SLC16A2: variants seen among roughly 807,000 people sequenced by gnomAD.
The protein encoded by SLC16A2 is monocarboxylate transporter 8.
A neutral mutation model predicts 27.2 loss-of-function variants in SLC16A2; 3 were observed. The ratio of observed to expected loss-of-function variants is 0.11; its 90% CI spans 0.05 to 0.28. The LOEUF is 0.28. SLC16A2 is among the 10% of genes least tolerant of loss of function. SLC16A2 has a pLI of 1.00. For synonymous variants in SLC16A2, 202 were observed against 187.8 expected (o/e 1.08, Z -0.62); for missense variants, 295 against 458.5 (o/e 0.64, Z 3.26).
chrX:74,518,269 T>C (rs780767447), intron 1 of SLC16A2, among the ~76,000 whole-genome samples: 2 of 112,179 alleles, frequency 1.8e-5, no homozygotes, highest in Non-Finnish European at 3.8e-5. Flanking sequence ...TTCCTCCATA[T>C]CCTCCCAGTA....
intron 1 of SLC16A2, among the ~76,000 whole-genome samples, chrX:74,514,643 C>A: frequency 8.9e-6 from 1 of 111,831 alleles, no homozygotes; most frequent in Non-Finnish European, 1.9e-5. Flanking sequence ...CTACTCCTGG[C>A]AAGGTGCCAA....
At chrX:74,452,983 G>A (rs903600857) in intron 1 of SLC16A2, among the ~76,000 whole-genome samples, 1 of 110,130 alleles carries the variant, frequency 9.1e-6, no homozygotes, top group African/African-American at 3.3e-5. Context: ...AAACTCCTAG[G>A]TATCTCTCAC....
At chrX:74,512,373 A>G (rs1297314870) in intron 1 of SLC16A2, among the ~76,000 whole-genome samples, 1 of 111,559 alleles carries the variant, frequency 9.0e-6, no homozygotes, top group Admixed American at 9.5e-5. Context: ...TCTTAATCCT[A>G]TTTGCTATTC....
chrX:74,443,741 T>C (rs746906326), intron 1 of SLC16A2, among the ~76,000 whole-genome samples: 1 of 112,346 alleles, frequency 8.9e-6, no homozygotes, highest in East Asian at 2.8e-4. Context: ...CCTGTGTTTG[T>C]GTGCGTCCTT....
intron 1 of SLC16A2, among the ~76,000 whole-genome samples, chrX:74,479,529 A>G (rs1215059754): frequency 8.9e-6 from 1 of 112,330 alleles, no homozygotes; most frequent in African/African-American, 3.2e-5. Flanking sequence ...GCTGGTGAGG[A>G]GGTGCATTCC....
At chrX:74,467,866 T>A (rs1250294140) in intron 1 of SLC16A2, among the ~76,000 whole-genome samples, 1 of 110,960 alleles carries the variant, frequency 9.0e-6, no homozygotes, top group Non-Finnish European at 1.9e-5. Context: ...GCCATTCAAG[T>A]TCCTGGGCAA....
intron 1 of SLC16A2, among the ~76,000 whole-genome samples, chrX:74,475,662 G>A (rs1307939552): frequency 1.8e-5 from 2 of 111,857 alleles, no homozygotes; most frequent in Admixed American, 9.5e-5. Flanking sequence ...TTAGTATAAG[G>A]TGTAAGGAAG....
chrX:74,429,605 A>G (rs1438896785), intron 1 of SLC16A2, among the ~76,000 whole-genome samples: 2 of 111,919 alleles, frequency 1.8e-5, no homozygotes, highest in African/African-American at 6.5e-5. Flanking sequence ...TGCCCATACC[A>G]TCTTTTTCCT....
chrX:74,447,461 C>G (rs1928857873), intron 1 of SLC16A2, among the ~76,000 whole-genome samples: 1 of 110,762 alleles, frequency 9.0e-6, no homozygotes, highest in African/African-American at 3.3e-5. Flanking sequence ...TCACTTGAGG[C>G]CAGGAGTTCA....
At chrX:74,523,118 G>A (rs1259876845) in intron 2 of SLC16A2, among the ~76,000 whole-genome samples, 5 of 112,285 alleles carry the variant, frequency 4.5e-5, no homozygotes, top group Admixed American at 9.4e-5. Context: ...AAGCCAGGCC[G>A]ATCCCATAGG....
Position 74,529,194 on chromosome X carries a change from C to G in SLC16A2, c.1171-19C>G. ...TTGGCTGGCCAGCACAACCTGACCT[C>G]AGGCCCTTGTTTCTCCAGGTCCTTT... On this transcript the variant is annotated intron_variant, in intron 4 of 5. Transcript: ENST00000587091. The G allele has an allele frequency of 8.5e-7, 1 of 1,171,024 alleles. No individual in the cohort carries two copies. The highest frequency in any genetic ancestry group is 1.2e-6 in the Non-Finnish European group (1 of 859,995).
chrX:74,486,078 C>A (rs1442119383), intron 1 of SLC16A2, among the ~76,000 whole-genome samples: 1 of 112,088 alleles, frequency 8.9e-6, no homozygotes, highest in Non-Finnish European at 1.9e-5. Context: ...TGTCCCTCCC[C>A]CTGTGCTCTC....
At chrX:74,429,788 G>T (rs1193171404) in intron 1 of SLC16A2, among the ~76,000 whole-genome samples, 1 of 112,046 alleles carries the variant, frequency 8.9e-6, no homozygotes, top group Admixed American at 9.5e-5. Flanking sequence ...TGAGGTCACA[G>T]GTTCAGTCAC....
At chrX:74,479,467 GGCT>G (rs1569292049) in intron 1 of SLC16A2, among the ~76,000 whole-genome samples, 1 of 111,969 alleles carries the variant, frequency 8.9e-6, no homozygotes, top group Non-Finnish European at 1.9e-5. Flanking sequence ...ATCTTCTGAA[GGCT>G]TCTTCTCTCA....
intron 1 of SLC16A2, among the ~76,000 whole-genome samples, chrX:74,505,891 G>A (rs1363747799): frequency 1.8e-5 from 2 of 111,941 alleles, no homozygotes; most frequent in Non-Finnish European, 3.8e-5. Flanking sequence ...TCAGTCTCAA[G>A]GGTAGGAAGA....
At chrX:74,516,117 G>A (rs932315930) in intron 1 of SLC16A2, among the ~76,000 whole-genome samples, 9 of 111,048 alleles carry the variant, frequency 8.1e-5, no homozygotes, top group African/African-American at 3.0e-4. Context: ...GAGTGCAGTG[G>A]CACAATCATG....
At chrX:74,519,441 T>C (rs1930368298) in intron 1 of SLC16A2, among the ~76,000 whole-genome samples, 1 of 102,020 alleles carries the variant, frequency 9.8e-6, no homozygotes. Flanking sequence ...CCTCCCAAAG[T>C]GCTGGGATTA....
intron 1 of SLC16A2, among the ~76,000 whole-genome samples, chrX:74,433,371 CAAAA>C (rs146613852): frequency 0.096 from 7,525 of 78,640 alleles, 327 homozygotes; most frequent in South Asian, 0.27. Flanking sequence ...GACTCTGTCT[CAAAA>C]AAAAAAAAAA....
chrX:74,527,222 T>C (rs761807112), intron 4 of SLC16A2, among the ~76,000 whole-genome samples: 50 of 112,567 alleles, frequency 4.4e-4, no homozygotes, highest in African/African-American at 1.6e-3. Flanking sequence ...CCCTTTTCCT[T>C]ACTCTTACTT....
Sources: gnomAD v4.1 joint callset for allele counts (sites outside exome capture counted in the v4.1 genomes callset) on GRCh38, gnomAD v4.1.1 for gene constraint, MANE v1.5 for transcripts, NCBI Gene and HGNC (gene_info 2026-07-23, HGNC 2026-07-21) for gene names.